STK3: variants seen among roughly 807,000 people sequenced by gnomAD.
STK3 encodes the protein serine/threonine-protein kinase 3.
A neutral mutation model predicts 58.0 loss-of-function variants in STK3; 41 were observed. The ratio of observed to expected loss-of-function variants is 0.71; its 90% CI spans 0.55 to 0.92. The LOEUF is 0.92. Among genes scored for constraint, STK3 ranks in the 40% least tolerant of loss-of-function variants. The probability of loss-of-function intolerance (pLI) is 0.00; values close to 1 mark genes in which losing one functional copy is unlikely to be tolerated. For missense variants in STK3, 479 were observed against 602.7 expected (o/e 0.79, Z 2.15); for synonymous variants, 170 against 191.0 (o/e 0.89, Z 0.91).
At chr8:98,623,884 C>T (rs576033736) in intron 6 of STK3, among the ~76,000 whole-genome samples, 16 of 152,316 alleles carry the variant, frequency 1.1e-4, no homozygotes, top group Admixed American at 2.6e-4. Context: ...CTGCCAACAC[C>T]TTGATCTTGG....
At chr8:98,696,286 A>T (rs1587328848) in intron 6 of STK3, among the ~76,000 whole-genome samples, 1 of 152,106 alleles carries the variant, frequency 6.6e-6, no homozygotes, top group East Asian at 1.9e-4. Context: ...TAGATATACA[A>T]TCATGTCATC....
At chr8:98,465,177 A>G (rs1363544755) in intron 10 of STK3, among the ~76,000 whole-genome samples, 1 of 152,184 alleles carries the variant, frequency 6.6e-6, no homozygotes, top group African/African-American at 2.4e-5. Context: ...CTTAGGGGGC[A>G]GATATTACCA....
In STK3 at chr8:98,515,487, C is replaced by T. The variant is rs572095845; in HGVS notation, c.1317+11255G>A. Among the ~76,000 whole-genome samples, 7 of 152,204 alleles carry T rather than the reference C, an allele frequency of 4.6e-5. No homozygotes were observed. In the South Asian group the frequency reaches 8.3e-4, roughly 18 times the overall value. On this transcript the variant is annotated intron_variant, in intron 10 of 10. Transcript: ENST00000419617. ...TCCATGTCTGTATTCCTACTTTATT[C>T]GAATGGGCTTCAGTTTTGCTACTAC...
At chr8:98,650,841 TCCAACTGGGTAGCAC>T (rs1820850637) in intron 6 of STK3, among the ~76,000 whole-genome samples, 1 of 152,108 alleles carries the variant, frequency 6.6e-6, no homozygotes, top group Non-Finnish European at 1.5e-5. Flanking sequence ...GCCAGGAAGC[TCCAACTGGGTAGCAC>T]CCACCACAGC....
At chr8:98,457,737 G>A (rs2131145848) in intron 10 of STK3, among the ~76,000 whole-genome samples, 1 of 152,210 alleles carries the variant, frequency 6.6e-6, no homozygotes, top group East Asian at 1.9e-4. Context: ...AAAGGAGTGG[G>A]TTACTCTAAG....
At position 98,562,336 on chromosome 8, in the gene STK3, TAA is replaced by T. The variant is rs541015762; in HGVS notation, c.949-14177_949-14176del. ...TCTGCAATGTAATACTATTCAGTGA[TAA>T]AATGGGCTATTAAGCCACAAAAAAA... On this transcript the variant is annotated intron_variant, in intron 8 of 10. Transcript: ENST00000419617. 3.7e-3 allele frequency among the ~76,000 whole-genome samples: 569 copies of T among 152,046 alleles called. 1 individual carries two copies. Among genetic ancestry groups the T allele is most frequent in the African/African-American group, 0.013 (546 of 41,488 alleles).
intron 1 of STK3, among the ~76,000 whole-genome samples, chr8:98,381,476 T>A: frequency 6.6e-6 from 1 of 152,156 alleles, no homozygotes; most frequent in East Asian, 1.9e-4. Flanking sequence ...CATACGTGAC[T>A]CATTTGCCAG....
intron 1 of STK3, among the ~76,000 whole-genome samples, chr8:98,939,067 G>A (rs558221861): frequency 6.6e-6 from 1 of 152,322 alleles, no homozygotes; most frequent in Admixed American, 6.5e-5. Context: ...GTTCCCCTAG[G>A]TATCCTAAGC....
intron 4 of STK3, chr8:98,722,997 G>A: frequency 2.5e-6 from 1 of 394,638 alleles, no homozygotes; most frequent in Non-Finnish European, 4.9e-6. Context: ...AAAAATTGTG[G>A]ACACCATTGA....
At chr8:98,516,372 T>A (rs1004404044) in intron 10 of STK3, among the ~76,000 whole-genome samples, 1 of 152,040 alleles carries the variant, frequency 6.6e-6, no homozygotes, top group Non-Finnish European at 1.5e-5. Context: ...TTTCCACATA[T>A]CGAAAGAGCT....
At position 98,557,803 on chromosome 8, in the gene STK3, A is replaced by G. The variant is rs1811715972; in HGVS notation, c.949-9642T>C. Among the ~76,000 whole-genome samples, 2 of 152,116 alleles carry G rather than the reference A, an allele frequency of 1.3e-5. 1 individual carries two copies. Among genetic ancestry groups the G allele is most frequent in the South Asian group, 4.1e-4 (2 of 4,834 alleles). ...CCTGTCTTTAGCAAACAGAAACTTC[A>G]TGGATCCTAACTTTTTGCACATTCA... On this transcript the variant is annotated intron_variant, in intron 8 of 10. Transcript: ENST00000419617.
intron 3 of STK3, among the ~76,000 whole-genome samples, chr8:98,411,637 C>G (rs1163420706): frequency 6.6e-6 from 1 of 152,244 alleles, no homozygotes; most frequent in East Asian, 1.9e-4. Context: ...AAGTTACAAG[C>G]TAAAATGTTG....
chr8:98,826,613 T>A (rs1835319861), upstream of STK3, among the ~76,000 whole-genome samples: 1 of 152,212 alleles, frequency 6.6e-6, no homozygotes, highest in South Asian at 2.1e-4. Flanking sequence ...CTCATCCCAT[T>A]GTAATCTGAC....
chr8:98,593,171 C>A (rs1815484902), intron 7 of STK3, among the ~76,000 whole-genome samples: 1 of 152,128 alleles, frequency 6.6e-6, no homozygotes, highest in African/African-American at 2.4e-5. Context: ...CTTTTAACAT[C>A]TCCAGGGTTT....
chr8:98,375,647 A>T (rs6993882), intron 2 of STK3, among the ~76,000 whole-genome samples: 95,914 of 151,928 alleles, frequency 0.63, 31,063 homozygotes, highest in Non-Finnish European at 0.69. Flanking sequence ...TGTCAATGGA[A>T]TCATGTACTA....
intron 6 of STK3, among the ~76,000 whole-genome samples, chr8:98,614,014 G>T (rs1286545918): frequency 1.3e-5 from 2 of 152,100 alleles, no homozygotes; most frequent in African/African-American, 4.8e-5. Flanking sequence ...TAATGTATAT[G>T]TACCAACCAA....
chr8:98,597,595 G>A lies in STK3; in HGVS notation c.685-1426C>T, dbSNP rs375168482. 5.3e-4 allele frequency: 521 copies of A among 985,366 alleles called. 2 individuals carry two copies. Among genetic ancestry groups the A allele is most frequent in the African/African-American group, 3.5e-3 (203 of 57,350 alleles). The allele number at this position is 985,366 out of a possible 1,614,324, so 61.0% of individuals were successfully genotyped here. A position where few individuals can be genotyped will look rare whatever the true frequency, so the allele number is the denominator to read the frequency against. ...CAAATAGTGCCAGTGGACCTACTTCGTTCAGACAAAATCAATCTCACATTG... is the reference window on the plus strand; with the variant it reads ...CAAATAGTGCCAGTGGACCTACTTCATTCAGACAAAATCAATCTCACATTG... On this transcript the variant is annotated intron_variant, in intron 6 of 10. Transcript: ENST00000419617.
At chr8:98,790,425 A>T (rs563378737) in intron 1 of STK3, among the ~76,000 whole-genome samples, 1 of 152,362 alleles carries the variant, frequency 6.6e-6, no homozygotes, top group African/African-American at 2.4e-5. Context: ...AAATCACATG[A>T]TCGTCTCAAC....
chr8:98,729,163 T>A (rs1014382326), intron 4 of STK3, among the ~76,000 whole-genome samples: 1 of 152,176 alleles, frequency 6.6e-6, no homozygotes, highest in Non-Finnish European at 1.5e-5. Context: ...CATGCTGGAG[T>A]GCAGTGGCGA....
Sources: gnomAD v4.1 joint callset for allele counts (sites outside exome capture counted in the v4.1 genomes callset) on GRCh38, gnomAD v4.1.1 for gene constraint, MANE v1.5 for transcripts, NCBI Gene and HGNC (gene_info 2026-07-23, HGNC 2026-07-21) for gene names.